The following RPS6KC1 variants were observed in gnomAD, a reference collection of about 807,000 sequenced individuals.
The protein encoded by RPS6KC1 is ribosomal protein S6 kinase C1.
A neutral mutation model predicts 103.8 loss-of-function variants in RPS6KC1; 54 were observed. That is an observed-to-expected ratio of 0.52 (90% CI 0.42 to 0.65). The LOEUF (loss-of-function observed/expected upper bound fraction) is 0.65. RPS6KC1 is among the 30% of genes least tolerant of loss of function. The probability of loss-of-function intolerance (pLI) is 0.00; values close to 1 mark genes in which losing one functional copy is unlikely to be tolerated. For missense variants in RPS6KC1, 1,151 were observed against 1,253.8 expected (o/e 0.92, Z 1.24); for synonymous variants, 439 against 438.7 (o/e 1.00, Z -0.01).
chr1:213,854,544 CTT>C, the RPS6KC1 span, among the ~76,000 whole-genome samples: 1,838 of 106,610 alleles, frequency 0.017, 38 homozygotes, highest in African/African-American at 0.075. Context: ...TTCTTTCTTT[CTT>C]TCTTTCTTTC....
chr1:213,204,318 A>G (rs73093609), intron 8 of RPS6KC1, among the ~76,000 whole-genome samples: 7,263 of 152,278 alleles, frequency 0.048, 579 homozygotes, highest in African/African-American at 0.17. Context: ...ATCCAAGTAT[A>G]TGTATAATGT....
the RPS6KC1 span, among the ~76,000 whole-genome samples, chr1:213,784,924 T>C: frequency 3.3e-5 from 5 of 152,152 alleles, no homozygotes; most frequent in East Asian, 1.9e-4. Flanking sequence ...TGAGATATTA[T>C]ACTAAAATGT....
intron 3 of RPS6KC1, among the ~76,000 whole-genome samples, chr1:213,081,668 T>TC (rs1160970001): frequency 8.6e-5 from 13 of 151,120 alleles, no homozygotes; most frequent in African/African-American, 2.7e-4. Flanking sequence ...TTTTTTTTTT[T>TC]CCTTTCTCTT....
chr1:213,108,602 T>C (rs1280791369), intron 4 of RPS6KC1, among the ~76,000 whole-genome samples: 2 of 151,900 alleles, frequency 1.3e-5, no homozygotes, highest in Non-Finnish European at 2.9e-5. Context: ...AGCTTATCCA[T>C]GTGAACAAAA....
At chr1:213,648,670 G>A in the RPS6KC1 span, among the ~76,000 whole-genome samples, 62 of 151,986 alleles carry the variant, frequency 4.1e-4, no homozygotes, top group South Asian at 0.011. Flanking sequence ...CATCCTACTT[G>A]CTGTTTGACC....
At chr1:213,722,086 G>C in the RPS6KC1 span, among the ~76,000 whole-genome samples, 2 of 152,158 alleles carry the variant, frequency 1.3e-5, no homozygotes, top group Non-Finnish European at 2.9e-5. Flanking sequence ...TGTGGAGCTA[G>C]TATGCTGGGC....
chr1:213,257,678 T>C (rs1197881135), intron 12 of RPS6KC1, among the ~76,000 whole-genome samples: 1 of 151,922 alleles, frequency 6.6e-6, no homozygotes, highest in Non-Finnish European at 1.5e-5. Flanking sequence ...AATGTGTACC[T>C]ACTGTGAACA....
the RPS6KC1 span, among the ~76,000 whole-genome samples, chr1:213,288,621 G>T: frequency 6.6e-6 from 1 of 152,150 alleles, no homozygotes; most frequent in African/African-American, 2.4e-5. Context: ...CTTCGATTTG[G>T]CTTGTGTCTG....
the RPS6KC1 span, among the ~76,000 whole-genome samples, chr1:213,832,276 G>A: frequency 2.6e-5 from 4 of 152,184 alleles, no homozygotes; most frequent in African/African-American, 4.8e-5. Flanking sequence ...GAGGACTCCT[G>A]TTCTGGGACC....
At chr1:213,514,739 A>C in the RPS6KC1 span, among the ~76,000 whole-genome samples, 6 of 152,340 alleles carry the variant, frequency 3.9e-5, no homozygotes, top group Non-Finnish European at 8.8e-5. Flanking sequence ...CTTTGGGTAT[A>C]TACCCAGTAA....
chr1:213,632,196 G>T, the RPS6KC1 span, among the ~76,000 whole-genome samples: 2 of 152,144 alleles, frequency 1.3e-5, no homozygotes, highest in Non-Finnish European at 2.9e-5. Context: ...TTTTGAAATT[G>T]TGGATACAGC....
chr1:213,202,974 A>C (rs532341350), intron 8 of RPS6KC1, among the ~76,000 whole-genome samples: 1 of 152,048 alleles, frequency 6.6e-6, no homozygotes, highest in Admixed American at 6.5e-5. Flanking sequence ...GCCTGTGATG[A>C]ATATTCTTAG....
intron 4 of RPS6KC1, among the ~76,000 whole-genome samples, chr1:213,111,904 A>G (rs1411494324): frequency 2.0e-5 from 3 of 152,234 alleles, no homozygotes; most frequent in African/African-American, 7.2e-5. Context: ...AAGTTCAAAT[A>G]TAAGCTGTAA....
intron 8 of RPS6KC1, among the ~76,000 whole-genome samples, chr1:213,187,242 T>A (rs554300685): frequency 8.0e-5 from 12 of 150,678 alleles, no homozygotes; most frequent in African/African-American, 2.9e-4. Context: ...AATTTTTTTC[T>A]TCTTCTTCTT....
chr1:213,205,976 CA>C (rs1011451006), intron 8 of RPS6KC1, among the ~76,000 whole-genome samples: 4 of 152,028 alleles, frequency 2.6e-5, no homozygotes, highest in African/African-American at 9.7e-5. Flanking sequence ...TGTTGGTGCT[CA>C]AAAAGTTTTA....
the RPS6KC1 span, among the ~76,000 whole-genome samples, chr1:213,626,037 G>C: frequency 6.6e-6 from 1 of 152,158 alleles, no homozygotes; most frequent in Non-Finnish European, 1.5e-5. Flanking sequence ...GTAGTTCACA[G>C]TCCCACCAAC....
the RPS6KC1 span, among the ~76,000 whole-genome samples, chr1:213,502,432 A>G: frequency 6.6e-6 from 1 of 152,218 alleles, no homozygotes; most frequent in Admixed American, 6.5e-5. Flanking sequence ...ATAAGATATA[A>G]AATGGACAAT....
chr1:213,752,948 T>C, the RPS6KC1 span, among the ~76,000 whole-genome samples: 1 of 152,292 alleles, frequency 6.6e-6, no homozygotes, highest in African/African-American at 2.4e-5. Context: ...CTTTCTGAGA[T>C]AGTGGGAGAC....
At chr1:213,211,050 A>G (rs1444089726) in intron 8 of RPS6KC1, among the ~76,000 whole-genome samples, 1 of 152,234 alleles carries the variant, frequency 6.6e-6, no homozygotes, top group African/African-American at 2.4e-5. Flanking sequence ...GTATGAATGG[A>G]CAGTGAAATA....
Sources: gnomAD v4.1 joint callset for allele counts (sites outside exome capture counted in the v4.1 genomes callset) on GRCh38, gnomAD v4.1.1 for gene constraint, MANE v1.5 for transcripts, NCBI Gene and HGNC (gene_info 2026-07-23, HGNC 2026-07-21) for gene names.